Variants in MACROD2 observed in about 807,000 individuals in gnomAD.
The protein encoded by MACROD2 is mono-ADP ribosylhydrolase 2.
A neutral mutation model predicts 70.4 loss-of-function variants in MACROD2; 36 were observed. The observed-to-expected ratio is 0.51, with a 90% CI of 0.39 to 0.68. The LOEUF is 0.68. Ranked by LOEUF, MACROD2 falls within the 30% of genes least tolerant of loss-of-function variation. The pLI is 0.00. For synonymous variants in MACROD2, 172 were observed against 178.8 expected (o/e 0.96, Z 0.30); for missense variants, 496 against 538.4 (o/e 0.92, Z 0.78).
chr20:14,104,114 G>A (rs553885394), intron 3 of MACROD2, among the ~76,000 whole-genome samples: 2 of 152,098 alleles, frequency 1.3e-5, no homozygotes, highest in Non-Finnish European at 2.9e-5. Context: ...AGGTGTAAGA[G>A]TATATATTTC....
intron 2 of MACROD2, among the ~76,000 whole-genome samples, chr20:14,041,150 A>T (rs2053385335): frequency 6.6e-6 from 1 of 152,210 alleles, no homozygotes; most frequent in Non-Finnish European, 1.5e-5. Context: ...GCAAATTTTT[A>T]TAATGTAGCT....
At chr20:14,371,178 TG>T (rs1033631444) in intron 3 of MACROD2, among the ~76,000 whole-genome samples, 30 of 152,306 alleles carry the variant, frequency 2.0e-4, no homozygotes, top group Non-Finnish European at 3.4e-4. Context: ...CTTAATTTTT[TG>T]TAAGTTTTAT....
intron 5 of MACROD2, among the ~76,000 whole-genome samples, chr20:14,856,064 A>G (rs146921530): frequency 2.6e-5 from 4 of 152,256 alleles, no homozygotes; most frequent in African/African-American, 9.6e-5. Flanking sequence ...AAGATCCATT[A>G]TATTACATGA....
At chr20:14,349,814 CTT>C (rs538685508) in intron 3 of MACROD2, among the ~76,000 whole-genome samples, 6,118 of 132,080 alleles carry the variant, frequency 0.046, 222 homozygotes, top group African/African-American at 0.13. Context: ...TTCTTTTTTT[CTT>C]TTTTTTTTTT....
intron 2 of MACROD2, among the ~76,000 whole-genome samples, chr20:14,080,391 C>T (rs1000440322): frequency 6.4e-5 from 8 of 124,518 alleles, no homozygotes; most frequent in Admixed American, 1.1e-4. Flanking sequence ...TGCAGTGAGC[C>T]GAGATCGTGC....
intron 5 of MACROD2, among the ~76,000 whole-genome samples, chr20:15,114,886 G>T (rs149790004): frequency 6.6e-6 from 1 of 152,166 alleles, no homozygotes; most frequent in African/African-American, 2.4e-5. Flanking sequence ...CCCAAACTAG[G>T]CCAATCAGAT....
At chr20:14,038,370 T>C (rs1040370437) in intron 2 of MACROD2, among the ~76,000 whole-genome samples, 2 of 152,206 alleles carry the variant, frequency 1.3e-5, no homozygotes, top group African/African-American at 2.4e-5. Context: ...TTTACAAATA[T>C]TGACTTATTT....
chr20:14,593,816 T>A (rs1290578961), intron 4 of MACROD2, among the ~76,000 whole-genome samples: 1 of 152,208 alleles, frequency 6.6e-6, no homozygotes, highest in Non-Finnish European at 1.5e-5. Flanking sequence ...AGTGATCACA[T>A]TGAAATCATG....
At chr20:15,517,734 T>G (rs990430012) in intron 8 of MACROD2, among the ~76,000 whole-genome samples, 2 of 152,180 alleles carry the variant, frequency 1.3e-5, no homozygotes, top group Admixed American at 1.3e-4. Flanking sequence ...CTGACAGCAA[T>G]GGGCCCCTTG....
intron 5 of MACROD2, among the ~76,000 whole-genome samples, chr20:15,219,877 G>A (rs1316278071): frequency 6.7e-6 from 1 of 149,278 alleles, no homozygotes; most frequent in Non-Finnish European, 1.5e-5. Context: ...CTAAAACAAA[G>A]CAGATTTATT....
At chr20:14,850,515 C>T (rs1858919017) in intron 5 of MACROD2, 1 of 152,754 alleles carries the variant, frequency 6.5e-6, no homozygotes, top group Non-Finnish European at 1.5e-5. Flanking sequence ...TGTTGTATCA[C>T]AGATGCTTCA....
At chr20:14,676,194 G>A (rs981378954) in intron 4 of MACROD2, among the ~76,000 whole-genome samples, 8 of 152,026 alleles carry the variant, frequency 5.3e-5, no homozygotes, top group African/African-American at 1.9e-4. Context: ...TGGACCAAAC[G>A]GACCTAATAG....
At chr20:14,893,036 G>A (rs936236420) in intron 5 of MACROD2, 22 of 152,056 alleles carry the variant, frequency 1.4e-4, no homozygotes, top group African/African-American at 5.3e-4. Flanking sequence ...TTTATGAGGG[G>A]AATTATACAA....
At chr20:15,755,122 G>A (rs141714060) in intron 8 of MACROD2, among the ~76,000 whole-genome samples, 5 of 152,282 alleles carry the variant, frequency 3.3e-5, no homozygotes, top group Admixed American at 3.3e-4. Flanking sequence ...GCCTCCCAAA[G>A]TGCTGAAATT....
chr20:15,383,921 T>G (rs2045677389), intron 6 of MACROD2, among the ~76,000 whole-genome samples: 1 of 152,216 alleles, frequency 6.6e-6, no homozygotes, highest in South Asian at 2.1e-4. Context: ...TGGCCATTAA[T>G]TAACTCAGGG....
At chr20:15,168,517 A>C (rs2076401852) in intron 5 of MACROD2, among the ~76,000 whole-genome samples, 1 of 151,332 alleles carries the variant, frequency 6.6e-6, no homozygotes, top group Non-Finnish European at 1.5e-5. Flanking sequence ...CATCATTTAA[A>C]AACTCAGAAA....
intron 4 of MACROD2, among the ~76,000 whole-genome samples, chr20:14,534,894 A>C (rs1300377635): frequency 6.6e-6 from 1 of 152,184 alleles, no homozygotes; most frequent in East Asian, 1.9e-4. Flanking sequence ...TGAACAGAAA[A>C]ATAAAAGACA....
At position 15,335,295 on chromosome 20, in the gene MACROD2, T is replaced by A. The variant is rs149792433; in HGVS notation, c.541-96110T>A. 1.5e-4 allele frequency among the ~76,000 whole-genome samples: 23 copies of A among 151,914 alleles called. 1 individual carries two copies. The highest frequency in any genetic ancestry group is 3.4e-3 in the Middle Eastern group (1 of 292). On this transcript the variant is annotated intron_variant, in intron 6 of 17. Coordinates refer to ENST00000684519, the MANE Select transcript of MACROD2 (RefSeq NM_001351661.2). ...AGAGGTTGAGTTCTTCAAACACTTT[T>A]GTTGTTATTTCTCAATTCAAAGAGC... is the stretch of plus-strand genomic sequence containing the variant.
At chr20:14,600,520 G>A (rs1568692100) in intron 4 of MACROD2, among the ~76,000 whole-genome samples, 1 of 151,564 alleles carries the variant, frequency 6.6e-6, no homozygotes, top group Non-Finnish European at 1.5e-5. Context: ...ATTTTTATTG[G>A]GCTCTTACTC....
Sources: allele counts gnomAD v4.1 joint callset (sites outside exome capture counted in the v4.1 genomes callset), GRCh38; gene constraint gnomAD v4.1.1; transcripts MANE v1.5; gene names NCBI Gene and HGNC (gene_info 2026-07-23, HGNC 2026-07-21).